Variants in CSGALNACT1 observed in about 807,000 individuals in gnomAD.
The protein encoded by CSGALNACT1 is beta4GalNAcT-1.
Under a neutral mutation model 51.0 loss-of-function variants are expected in CSGALNACT1, and 52 were observed. That is an observed-to-expected ratio of 1.02 (90% CI 0.82 to 1.29). The LOEUF (loss-of-function observed/expected upper bound fraction) is 1.29, where lower values mean the gene tolerates loss of function less well. Among genes scored for constraint, CSGALNACT1 ranks in the 50% most tolerant of loss-of-function variants. The pLI, the probability that CSGALNACT1 is intolerant of heterozygous loss-of-function variation, is 0.00. For synonymous variants in CSGALNACT1, 341 were observed against 254.4 expected, an observed-to-expected ratio of 1.34 and a Z score of -3.24; for missense variants, 935 against 679.2, an observed-to-expected ratio of 1.38 and a Z score of -4.19.
At chr8:19,513,436 C>CTCTCTATATATATATATATATA in intron 3 of CSGALNACT1, among the ~76,000 whole-genome samples, 43 of 81,942 alleles carry the variant, frequency 5.2e-4, no homozygotes, top group South Asian at 8.7e-4. Flanking sequence ...CTCTCTCTCT[C>CTCTCTATATATATATATATATA]TATATATATA....
intron 5 of CSGALNACT1, among the ~76,000 whole-genome samples, chr8:19,446,378 T>C (rs1186867413): frequency 6.6e-6 from 1 of 152,108 alleles, no homozygotes; most frequent in African/African-American, 2.4e-5. Flanking sequence ...GCCATGAATC[T>C]CAGGAAACTC....
rs1393094183 is a variant in CSGALNACT1, at chr8:19,542,900, C to A, written c.-296-36770G>T. Among the ~76,000 whole-genome samples, 3 of 152,056 alleles carry A rather than the reference C, an allele frequency of 2.0e-5. No individual in the cohort carries two copies. The East Asian group carries it at 5.8e-4, about 29-fold the overall frequency. The stretch of plus-strand genomic sequence containing the variant: ...GCCCTTCTGTAGATTCCAATTGTTT[C>A]CTGATAAATTCATTTGGGTTTTCCT... On this transcript the variant is annotated intron_variant, in intron 3 of 9. Transcript: ENST00000454498.
At chr8:19,629,541 G>A (rs1330421177) in intron 1 of CSGALNACT1, among the ~76,000 whole-genome samples, 6 of 152,182 alleles carry the variant, frequency 3.9e-5, no homozygotes, top group Non-Finnish European at 1.5e-5. Context: ...TGCAAACCGA[G>A]GCATATCTGC....
At chr8:19,640,049 C>G (rs1312169914) in intron 1 of CSGALNACT1, among the ~76,000 whole-genome samples, 1 of 151,810 alleles carries the variant, frequency 6.6e-6, no homozygotes, top group Admixed American at 6.6e-5. Flanking sequence ...CCCATTCAAC[C>G]AAGCTCAGTA....
chr8:19,490,897 C>A (rs2074219160), intron 4 of CSGALNACT1, among the ~76,000 whole-genome samples: 1 of 152,172 alleles, frequency 6.6e-6, no homozygotes, highest in African/African-American at 2.4e-5. Flanking sequence ...CCTGAAACTA[C>A]CACCTCGAAA....
chr8:19,570,028 T>A (rs867939380), intron 3 of CSGALNACT1, among the ~76,000 whole-genome samples: 1 of 151,706 alleles, frequency 6.6e-6, no homozygotes, highest in Non-Finnish European at 1.5e-5. Flanking sequence ...AGATTAGAGG[T>A]CCAAATAGTG....
chr8:19,419,720 T>C (rs2057585520), intron 7 of CSGALNACT1, among the ~76,000 whole-genome samples: 1 of 152,154 alleles, frequency 6.6e-6, no homozygotes. Context: ...AAAGCTGACC[T>C]CCCAGTTGCA....
chr8:19,461,491 C>A (rs1163998945), intron 4 of CSGALNACT1, among the ~76,000 whole-genome samples: 1 of 151,156 alleles, frequency 6.6e-6, no homozygotes, highest in Non-Finnish European at 1.5e-5. Context: ...AGGGCCTATC[C>A]GCACAGCAGC....
chr8:19,469,606 G>A (rs2067616418), intron 4 of CSGALNACT1, among the ~76,000 whole-genome samples: 1 of 152,062 alleles, frequency 6.6e-6, no homozygotes, highest in African/African-American at 2.4e-5. Flanking sequence ...CAGAACCTCT[G>A]CCCTTTCTTT....
chr8:19,458,360 G>A, intron 5 of CSGALNACT1, 66 bp downstream of exon 4: 1 of 1,277,658 alleles, frequency 7.8e-7, no homozygotes, highest in Non-Finnish European at 1.1e-6. Context: ...GGAGATGACG[G>A]GAAATGATAT....
intron 1 of CSGALNACT1, among the ~76,000 whole-genome samples, chr8:19,726,112 C>A (rs1294538520): frequency 1.3e-5 from 2 of 152,074 alleles, no homozygotes; most frequent in African/African-American, 4.8e-5. Flanking sequence ...AATTTCCTAA[C>A]AAAATACTGA....
At chr8:19,681,366 A>G (rs539034978) in intron 1 of CSGALNACT1, among the ~76,000 whole-genome samples, 2 of 152,260 alleles carry the variant, frequency 1.3e-5, no homozygotes, top group East Asian at 3.9e-4. Flanking sequence ...CGGGAGAGAG[A>G]GGCAAAGGGG....
At chr8:19,727,895 G>A (rs1054710439) in intron 1 of CSGALNACT1, among the ~76,000 whole-genome samples, 1 of 152,192 alleles carries the variant, frequency 6.6e-6, no homozygotes, top group African/African-American at 2.4e-5. Flanking sequence ...CAGACCACAT[G>A]AGAGGGAAAT....
At chr8:19,744,684 T>C (rs2064537943) in intron 1 of CSGALNACT1, among the ~76,000 whole-genome samples, 1 of 152,210 alleles carries the variant, frequency 6.6e-6, no homozygotes, top group Admixed American at 6.5e-5. Flanking sequence ...TTTCTAAAGG[T>C]GAGTTTTCTG....
At chr8:19,756,440 T>C (rs1233734409) in intron 1 of CSGALNACT1, among the ~76,000 whole-genome samples, 1 of 152,198 alleles carries the variant, frequency 6.6e-6, no homozygotes, top group African/African-American at 2.4e-5. Context: ...TCTCTTCCTT[T>C]CTCACCATTC....
chr8:19,605,003 T>C (rs1378346254), upstream of CSGALNACT1, among the ~76,000 whole-genome samples: 1 of 151,184 alleles, frequency 6.6e-6, no homozygotes, highest in Non-Finnish European at 1.5e-5. Context: ...GCCAGCAACC[T>C]AAGGCTGCCA....
intron 6 of CSGALNACT1, among the ~76,000 whole-genome samples, chr8:19,427,000 C>A (rs1305373961): frequency 6.6e-6 from 1 of 152,172 alleles, no homozygotes; most frequent in Non-Finnish European, 1.5e-5. Flanking sequence ...GCTCTAAATA[C>A]TGAAATCACT....
intron 5 of CSGALNACT1, among the ~76,000 whole-genome samples, chr8:19,441,990 G>A (rs1485622481): frequency 6.6e-6 from 1 of 152,244 alleles, no homozygotes; most frequent in Admixed American, 6.5e-5. Context: ...CTGGCAATCA[G>A]AGAAATGCAA....
chr8:19,736,527 A>C (rs900491922), intron 1 of CSGALNACT1, among the ~76,000 whole-genome samples: 1 of 152,244 alleles, frequency 6.6e-6, no homozygotes, highest in East Asian at 1.9e-4. Context: ...AAAAAAAAAA[A>C]AAATAAAACC....
Sources: allele counts gnomAD v4.1 joint callset (sites outside exome capture counted in the v4.1 genomes callset), GRCh38; gene constraint gnomAD v4.1.1; transcripts MANE v1.5; gene names NCBI Gene and HGNC (gene_info 2026-07-23, HGNC 2026-07-21).